PCDH11X: variants seen among roughly 807,000 people sequenced by gnomAD.
PCDH11X encodes protocadherin-11 X-linked.
PCDH11X carries 18 observed loss-of-function variants against 53.3 expected under a neutral mutation model. The ratio of observed to expected loss-of-function variants is 0.34; its 90% CI spans 0.23 to 0.50. The LOEUF (loss-of-function observed/expected upper bound fraction) is 0.50. Among genes scored for constraint, PCDH11X ranks in the 20% least tolerant of loss-of-function variants. PCDH11X has a pLI of 0.98. For missense variants in PCDH11X, 570 were observed against 1,032.4 expected, an observed-to-expected ratio of 0.55 and a Z score of 6.14; for synonymous variants, 279 against 393.3, an observed-to-expected ratio of 0.71 and a Z score of 3.44.
At chrX:92,600,895 A>G (rs1234956910) in intron 10 of PCDH11X, among the ~76,000 whole-genome samples, 5 of 104,500 alleles carry the variant, frequency 4.8e-5, no homozygotes, top group Non-Finnish European at 9.8e-5. Flanking sequence ...CGTGGATGTG[A>G]AACATGCAGT....
chrX:92,148,185 T>TTTCTTTCTTTCTTTCC lies in PCDH11X; in HGVS notation c.3034-53175_3034-53174insCTTCTTTCTTTCTTTC, dbSNP rs2065361014. ...CCTTCCTTCCTTCCTTCTTTCTTTC[T>TTTCTTTCTTTCTTTCC]TTCTTTCTTTCTTTCTTTCTTTCTC... is the stretch of plus-strand genomic sequence containing the variant. On this transcript the variant is annotated intron_variant, in intron 6 of 10. Coordinates refer to ENST00000682573, the MANE Select transcript of PCDH11X (RefSeq NM_032968.5). Among the ~76,000 whole-genome samples the TTTCTTTCTTTCTTTCC allele has an allele frequency of 8.6e-5, 4 of 46,584 alleles. 1 individual carries two copies. Among genetic ancestry groups the TTTCTTTCTTTCTTTCC allele is most frequent in the African/African-American group, 2.3e-4 (2 of 8,528 alleles). The allele number at this position is 46,584 out of a possible 115,157, so 40.5% of individuals were successfully genotyped here.
chrX:92,501,005 A>T (rs1408648259), intron 10 of PCDH11X, among the ~76,000 whole-genome samples: 1 of 111,344 alleles, frequency 9.0e-6, no homozygotes, highest in Non-Finnish European at 1.9e-5. Context: ...GAATAGAAAG[A>T]ATAATCAAAT....
intron 10 of PCDH11X, among the ~76,000 whole-genome samples, chrX:92,604,599 T>A (rs915543948): frequency 5.4e-5 from 6 of 111,488 alleles, no homozygotes; most frequent in African/African-American, 2.0e-4. Context: ...ATGGCGGATA[T>A]CAGTTCATGA....
At chrX:92,219,341 C>T (rs1292766615) in intron 7 of PCDH11X, among the ~76,000 whole-genome samples, 1 of 111,230 alleles carries the variant, frequency 9.0e-6, no homozygotes, top group Non-Finnish European at 1.9e-5. Context: ...TAAGCAACTT[C>T]AGCAAAGTCT....
chrX:92,328,786 T>C (rs1229111833), intron 8 of PCDH11X, among the ~76,000 whole-genome samples: 7 of 110,003 alleles, frequency 6.4e-5, no homozygotes, highest in Non-Finnish European at 1.1e-4. Context: ...AATTTATTAC[T>C]AAAATAAATC....
chrX:91,807,299 C>T (rs1457939762), intron 1 of PCDH11X, among the ~76,000 whole-genome samples: 16 of 110,123 alleles, frequency 1.5e-4, no homozygotes, highest in African/African-American at 4.6e-4. Flanking sequence ...GAGCTATGAT[C>T]GTGCCACTGC....
chrX:91,954,822 G>A (rs1221275600), intron 6 of PCDH11X, among the ~76,000 whole-genome samples: 2 of 109,596 alleles, frequency 1.8e-5, no homozygotes, highest in Non-Finnish European at 3.8e-5. Flanking sequence ...TTTCTTTCTT[G>A]TAAATTTGTT....
intron 8 of PCDH11X, among the ~76,000 whole-genome samples, chrX:92,274,604 C>T (rs1260110286): frequency 1.8e-5 from 2 of 110,893 alleles, no homozygotes; most frequent in Non-Finnish European, 3.8e-5. Context: ...TGGGTGGGAG[C>T]AAATCCTCGA....
At chrX:91,977,021 C>T (rs1381845203) in intron 6 of PCDH11X, among the ~76,000 whole-genome samples, 2 of 109,666 alleles carry the variant, frequency 1.8e-5, no homozygotes, top group African/African-American at 6.6e-5. Context: ...AATTGTTCAA[C>T]CCTTAGAATC....
chrX:91,961,092 T>C (rs2061782007), intron 6 of PCDH11X, among the ~76,000 whole-genome samples: 2 of 87,156 alleles, frequency 2.3e-5, no homozygotes, highest in South Asian at 1.3e-3. Flanking sequence ...TTCAACAAAA[T>C]ACTAACAACT....
chrX:92,225,489 A>G (rs2148361647), intron 7 of PCDH11X, among the ~76,000 whole-genome samples: 1 of 111,559 alleles, frequency 9.0e-6, no homozygotes, highest in East Asian at 2.8e-4. Context: ...TTTTTCAACC[A>G]CCAATTATAA....
At chrX:91,860,639 C>T (rs749727015) in intron 5 of PCDH11X, among the ~76,000 whole-genome samples, 149 of 111,503 alleles carry the variant, frequency 1.3e-3, no homozygotes, top group African/African-American at 1.9e-3. Context: ...TATGTTTCTT[C>T]GATAGCTAGT....
chrX:91,929,372 A>G (rs1268645602), intron 6 of PCDH11X, among the ~76,000 whole-genome samples: 1 of 110,555 alleles, frequency 9.0e-6, no homozygotes, highest in Admixed American at 9.7e-5. Flanking sequence ...GCCAGGTACT[A>G]GTCTGAGCCC....
chrX:91,792,898 G>A (rs1935603372), intron 1 of PCDH11X, among the ~76,000 whole-genome samples: 1 of 109,065 alleles, frequency 9.2e-6, no homozygotes, highest in Admixed American at 9.9e-5. Context: ...AACATGCTTT[G>A]GTTGTAACTG....
At position 91,911,701 on chromosome X, in the gene PCDH11X, A is replaced by C. The variant is rs1210048628; in HGVS notation, c.3033+32428A>C. Among the ~76,000 whole-genome samples the C allele has an allele frequency of 7.0e-4, 78 of 110,902 alleles. 2 individuals are homozygous for C. The highest frequency in any genetic ancestry group is 5.6e-3 in the Admixed American group (58 of 10,350). ...ATTGTTTTCATTTTTAGCTCCCATA[A>C]ATAAGTGAGAACATGTGAAGTTTGT... On this transcript the variant is annotated intron_variant, in intron 6 of 10. Transcript: ENST00000682573.
intron 8 of PCDH11X, among the ~76,000 whole-genome samples, chrX:92,307,941 A>G (rs1179902014): frequency 9.4e-6 from 1 of 106,930 alleles, no homozygotes; most frequent in Non-Finnish European, 1.9e-5. Flanking sequence ...ACTGAGGAAT[A>G]AATTTAACTG....
intron 6 of PCDH11X, among the ~76,000 whole-genome samples, chrX:92,009,082 T>C (rs770763566): frequency 8.9e-6 from 1 of 112,532 alleles, no homozygotes; most frequent in Non-Finnish European, 1.9e-5. Context: ...AGCTGTGTTT[T>C]TAAGAAAATC....
At chrX:92,297,204 G>T (rs2068627046) in intron 8 of PCDH11X, among the ~76,000 whole-genome samples, 1 of 110,002 alleles carries the variant, frequency 9.1e-6, no homozygotes, top group African/African-American at 3.3e-5. Flanking sequence ...TGATTTCTCT[G>T]TTATAAAATC....
intron 6 of PCDH11X, among the ~76,000 whole-genome samples, chrX:91,960,353 T>G (rs2061770024): frequency 9.0e-6 from 1 of 111,356 alleles, no homozygotes; most frequent in South Asian, 3.8e-4. Context: ...AAAACCAATG[T>G]CAAGGAACTT....
Sources: allele counts gnomAD v4.1 joint callset (sites outside exome capture counted in the v4.1 genomes callset), GRCh38; gene constraint gnomAD v4.1.1; transcripts MANE v1.5; gene names NCBI Gene and HGNC (gene_info 2026-07-23, HGNC 2026-07-21).